Variants in NR5A2 observed in about 807,000 individuals in gnomAD.
NR5A2 encodes CYP7A promoter-binding factor.
NR5A2 carries 26 observed loss-of-function variants against 62.7 expected under a neutral mutation model. The observed-to-expected ratio is 0.41, with a 90% confidence interval of 0.30 to 0.58. The LOEUF is 0.58. NR5A2 is among the 20% of genes least tolerant of loss of function. NR5A2 has a pLI of 0.22. For missense variants in NR5A2, 541 were observed against 669.1 expected, an observed-to-expected ratio of 0.81 and a Z score of 2.11; for synonymous variants, 246 against 241.7, an observed-to-expected ratio of 1.02 and a Z score of -0.16.
rs560792113 is a variant in NR5A2 at position 200,110,124 on chromosome 1, A to G, written c.1111-1078A>G. Among the ~76,000 whole-genome samples the G allele has an allele frequency of 5.8e-3, 884 of 152,354 alleles. 4 individuals are homozygous for G. Among genetic ancestry groups the G allele is most frequent in the Non-Finnish European group, 9.6e-3 (650 of 68,030 alleles). Reference sequence around the variant, plus strand: ...ACACCCCTGTTTTCTCATCTGAAAAAATGGATACCAGTTCTGCTAACTTCA... The same window carrying G: ...ACACCCCTGTTTTCTCATCTGAAAAGATGGATACCAGTTCTGCTAACTTCA... On this transcript the variant is annotated intron_variant, in intron 5 of 7. Transcript: ENST00000367362.
intron 7 of NR5A2, among the ~76,000 whole-genome samples, chr1:200,125,104 T>C (rs1292122546): frequency 1.3e-5 from 2 of 152,158 alleles, no homozygotes; most frequent in Non-Finnish European, 2.9e-5. Flanking sequence ...CAGTTTGCAT[T>C]CTCCCAGTTT....
chr1:200,177,017 G>A lies in NR5A2; in HGVS notation c.*2807G>A, dbSNP rs1007379769. 8 of 152,202 alleles carry A rather than the reference G, an allele frequency of 5.3e-5. No homozygotes were observed. The South Asian group carries it at 6.2e-4, about 12-fold the overall frequency. The allele number at this position is 152,202 out of a possible 1,614,324, so 9.4% of individuals were successfully genotyped here. On this transcript the variant is annotated 3_prime_UTR_variant, in exon 8 of 8. Coordinates refer to ENST00000367362, the MANE Select transcript of NR5A2 (RefSeq NM_205860.3). ...TAAGCAAGAAAGCGTCACAGCCAGC[G>A]TCTGTTCACCCAAGGTTGACAAGTG...
Position 200,040,059 on chromosome 1 carries a change from G to A in NR5A2, c.202+264G>A, listed in dbSNP as rs553495296. ...GGCTTCCAGCTCTATGGCAACCCAA[G>A]CAGGGCAGCTTCAGGCTAAAGGTAC... On this transcript the variant is annotated intron_variant, in intron 2 of 7. Coordinates refer to ENST00000367362, the MANE Select transcript of NR5A2 (RefSeq NM_205860.3). Among the ~76,000 whole-genome samples, 7 of 152,318 alleles carry A rather than the reference G, an allele frequency of 4.6e-5. No individual in the cohort carries two copies. In the South Asian group the frequency reaches 1.2e-3, roughly 27 times the overall value.
chr1:200,071,842 A>G (rs951396943), intron 5 of NR5A2, among the ~76,000 whole-genome samples: 1 of 152,208 alleles, frequency 6.6e-6, no homozygotes, highest in South Asian at 2.1e-4. Flanking sequence ...ACCAATTATA[A>G]TATTTAGCAG....
At chr1:200,111,078 G>A in intron 5 of NR5A2, 124 bp from the exon 6 acceptor site, 1 of 1,076,276 alleles carries the variant, frequency 9.3e-7, no homozygotes, top group Non-Finnish European at 1.3e-6. Context: ...CAGTGACCAT[G>A]GGTGGAGACT....
intron 6 of NR5A2, among the ~76,000 whole-genome samples, chr1:200,113,236 T>C (rs1666046021): frequency 6.6e-6 from 1 of 151,752 alleles, no homozygotes; most frequent in African/African-American, 2.4e-5. Context: ...CCCCACTCTT[T>C]AAATATGTTT....
chr1:200,095,457 A>C (rs1665042496), intron 5 of NR5A2, among the ~76,000 whole-genome samples: 2 of 152,202 alleles, frequency 1.3e-5, no homozygotes, highest in East Asian at 3.8e-4. Context: ...ACCTGGCTGG[A>C]TGTCCATTGG....
rs1308682188 is a variant in NR5A2, at chr1:200,039,396, C to T, written c.65-262C>T. Among the ~76,000 whole-genome samples the T allele has an allele frequency of 6.6e-6, 1 of 151,978 alleles. No individual in the cohort carries two copies. Among genetic ancestry groups the T allele is most frequent in the East Asian group, 2.0e-4 (1 of 5,116 alleles). The stretch of plus-strand genomic sequence containing the variant: ...GCCCCGGGCAGCTGCGTCCTCGCCA[C>T]CGCCGCCGCCTGCGCCCTTGCGGAG... On this transcript the variant is annotated intron_variant, in intron 1 of 7. Transcript: ENST00000367362. This position sits in a 1 kb window ranked among gnomAD's most constrained non-coding sequence, Gnocchi z 5.1.
chr1:200,070,585 C>G (rs983812529), intron 5 of NR5A2, among the ~76,000 whole-genome samples: 8 of 150,720 alleles, frequency 5.3e-5, no homozygotes, highest in African/African-American at 2.0e-4. Context: ...GAGGCTGAGG[C>G]AGGATGATCG....
At chr1:200,037,657 T>C (rs1571694875) in intron 1 of NR5A2, among the ~76,000 whole-genome samples, 3 of 152,302 alleles carry the variant, frequency 2.0e-5, no homozygotes, top group Admixed American at 2.0e-4. Flanking sequence ...ATCACAAAAA[T>C]TGGAGCTTTT....
intron 5 of NR5A2, among the ~76,000 whole-genome samples, chr1:200,064,722 C>T (rs1031263797): frequency 7.9e-5 from 12 of 152,234 alleles, no homozygotes; most frequent in Non-Finnish European, 1.5e-4. Flanking sequence ...TCCTTAATTG[C>T]CAGCATTTAG....
chr1:200,148,045 G>A (rs542159410), intron 7 of NR5A2: 4 of 301,388 alleles, frequency 1.3e-5, no homozygotes, highest in East Asian at 9.1e-5. Context: ...TCGCTGGAGC[G>A]CACGGTCCCC....
chr1:200,144,837 G>T (rs1667613789), intron 7 of NR5A2, among the ~76,000 whole-genome samples: 1 of 152,106 alleles, frequency 6.6e-6, no homozygotes, highest in African/African-American at 2.4e-5. Context: ...GTCTTACCCA[G>T]GTCCTTATGA....
At chr1:200,112,093 G>A (rs1273589589) in intron 6 of NR5A2, among the ~76,000 whole-genome samples, 3 of 150,666 alleles carry the variant, frequency 2.0e-5, no homozygotes, top group African/African-American at 4.9e-5. Flanking sequence ...AAAAAAAAAA[G>A]GAAAGAACCA....
chr1:200,055,158 G>A (rs936335296), intron 5 of NR5A2, among the ~76,000 whole-genome samples: 1 of 151,388 alleles, frequency 6.6e-6, no homozygotes, highest in Non-Finnish European at 1.5e-5. Context: ...GCCTCCCAAA[G>A]TGCTGGAATT....
chr1:200,127,063 G>A (rs1666734821), intron 7 of NR5A2, among the ~76,000 whole-genome samples: 1 of 151,248 alleles, frequency 6.6e-6, no homozygotes, highest in Non-Finnish European at 1.5e-5. Context: ...ACAGAATGAA[G>A]AGACCTAAGA....
chr1:200,096,859 C>T (rs762310365), intron 5 of NR5A2, among the ~76,000 whole-genome samples: 2 of 152,104 alleles, frequency 1.3e-5, no homozygotes, highest in Non-Finnish European at 2.9e-5. Flanking sequence ...AGCCCAGGAG[C>T]GATAGACTAT....
chr1:200,119,637 T>C (rs1666391470), intron 6 of NR5A2, among the ~76,000 whole-genome samples: 1 of 152,308 alleles, frequency 6.6e-6, no homozygotes, highest in African/African-American at 2.4e-5. Context: ...AGCAACACTT[T>C]TTTTTTTGAG....
chr1:200,048,205 A>G lies in NR5A2; in HGVS notation c.497A>G (p.Asn166Ser). ...VRADRMRGGR[N>S]KFGPMYKRDR... ...GCCGACCGAATGCGTGGAGGAAGGA[A>G]TAAGTTTGGGCCAATGTACAAGAGA... The change falls in exon 5 of 8, where the codon AAT (asparagine) becomes AGT (serine). Residue 166 changes from asparagine (N) to serine (S), a missense_variant. Coordinates refer to ENST00000367362, the MANE Select transcript of NR5A2 (RefSeq NM_205860.3). This position sits in a 1 kb window ranked among gnomAD's most constrained non-coding sequence, Gnocchi z 4.8. 6.2e-7 allele frequency: 1 copy of G among 1,613,128 alleles called. No homozygotes were observed. Among genetic ancestry groups the G allele is most frequent in the Non-Finnish European group, 8.5e-7 (1 of 1,179,464 alleles).
Sources: gnomAD v4.1 joint callset for allele counts (sites outside exome capture counted in the v4.1 genomes callset) on GRCh38, gnomAD v4.1.1 for gene constraint, Gnocchi (gnomAD v3.1) non-coding constraint, MANE v1.5 for transcripts, NCBI Gene and HGNC (gene_info 2026-07-23, HGNC 2026-07-21) for gene names.